Variants in GRIN3A observed in about 807,000 individuals in gnomAD.
GRIN3A encodes glutamate receptor ionotropic, NMDA 3A.
In GRIN3A, 47 loss-of-function variants were observed where a neutral mutation model predicts 92.4. The observed-to-expected ratio is 0.51, with a 90% CI of 0.40 to 0.65. The LOEUF (loss-of-function observed/expected upper bound fraction) is 0.65, where lower values mean the gene tolerates loss of function less well. GRIN3A is among the 30% of genes least tolerant of loss of function. The pLI, the probability that GRIN3A is intolerant of heterozygous loss-of-function variation, is 0.00. For missense variants in GRIN3A, 1,324 were observed against 1,393.1 expected (o/e 0.95, Z 0.79); for synonymous variants, 527 against 540.6 (o/e 0.97, Z 0.35).
chr9:101,596,420 G>A (rs891513894), intron 6 of GRIN3A, among the ~76,000 whole-genome samples: 8 of 152,144 alleles, frequency 5.3e-5, no homozygotes, highest in African/African-American at 1.7e-4. Context: ...TTGCATATAA[G>A]CCTATTGAAT....
At chr9:101,668,504 G>A (rs1829271780) in intron 3 of GRIN3A, among the ~76,000 whole-genome samples, 2 of 152,000 alleles carry the variant, frequency 1.3e-5, no homozygotes, top group African/African-American at 2.4e-5. Context: ...GGACTCCTGG[G>A]GCAAAGAATA....
chr9:101,605,720 T>A (rs17189632), intron 6 of GRIN3A, among the ~76,000 whole-genome samples: 62,229 of 152,066 alleles, frequency 0.41, 13,047 homozygotes, highest in Non-Finnish European at 0.44. Flanking sequence ...CTTCCCCTGA[T>A]AATAAAATCA....
intron 3 of GRIN3A, among the ~76,000 whole-genome samples, chr9:101,664,355 C>A (rs1323414): frequency 2.0e-5 from 3 of 151,816 alleles, no homozygotes; most frequent in Admixed American, 1.3e-4. Flanking sequence ...ATATCACTCA[C>A]AAATTCCTGC....
At chr9:101,732,287 G>T (rs1390295693) in intron 1 of GRIN3A, among the ~76,000 whole-genome samples, 1 of 152,150 alleles carries the variant, frequency 6.6e-6, no homozygotes, top group African/African-American at 2.4e-5. Context: ...GTAGTTGGCG[G>T]AATAGGAGTG....
Position 101,579,266 on chromosome 9 carries a change from A to G in GRIN3A, c.2861T>C (p.Ile954Thr). Residue 954 changes from isoleucine to threonine, a missense_variant, in exon 7 of 9, where the codon ATA becomes ACA. Transcript: ENST00000361820. Reference sequence around the variant, plus strand: ...TCGTGGTAGCAGCAGCCTGTATACTATGTGCTCACCAATGGTGGTCAAAAT... The same window carrying G: ...TCGTGGTAGCAGCAGCCTGTATACTGTGTGCTCACCAATGGTGGTCAAAAT... The part of the protein sequence containing the change: ...LSILTTIGEH[I>T]VYRLLLPRIK... The G allele has an allele frequency of 6.2e-7, 1 of 1,614,012 alleles. No individual in the cohort carries two copies. The highest frequency in any genetic ancestry group is 1.3e-5 in the African/African-American group (1 of 75,042).
At chr9:101,720,281 A>C (rs1829996313) in intron 1 of GRIN3A, among the ~76,000 whole-genome samples, 1 of 152,222 alleles carries the variant, frequency 6.6e-6, no homozygotes, top group Non-Finnish European at 1.5e-5. Flanking sequence ...TTAAAATTTG[A>C]ATTTATAAAG....
At position 101,686,633 on chromosome 9, in the gene GRIN3A, C is replaced by T. The variant is rs919461898; in HGVS notation, c.1267G>A (p.Glu423Lys). 1.2e-6 allele frequency: 2 copies of T among 1,614,024 alleles called. No individual in the cohort carries two copies. The highest frequency in any genetic ancestry group is 2.7e-5 in the African/African-American group (2 of 74,908). Residue 423 changes from glutamate (E) to lysine (K), a missense_variant, in exon 2 of 9, where the codon GAA becomes AAA. By Grantham distance (56) the Glu-to-Lys change is moderately conservative. Coordinates refer to ENST00000361820, the MANE Select transcript of GRIN3A (RefSeq NM_133445.3). ...TGTCCTGAAGTGAGATTTGTAGTTTCCACCTCCATGCAGTTCATCGTGCTG... is the reference window on the plus strand; with the variant it reads ...TGTCCTGAAGTGAGATTTGTAGTTTTCACCTCCATGCAGTTCATCGTGCTG... ...IPSTMNCMEV[E>K]TTNLTSGQYL... is the part of the protein sequence containing the mutation.
chr9:101,659,925 A>G (rs1036737262), intron 3 of GRIN3A, among the ~76,000 whole-genome samples: 1 of 151,926 alleles, frequency 6.6e-6, no homozygotes, highest in Admixed American at 6.6e-5. Flanking sequence ...AGTTACATGT[A>G]TATTTGTTCA....
chr9:101,585,835 C>G (rs1302035067), intron 6 of GRIN3A, among the ~76,000 whole-genome samples: 1 of 152,194 alleles, frequency 6.6e-6, no homozygotes, highest in Non-Finnish European at 1.5e-5. Flanking sequence ...CACTCCTGTG[C>G]TCAATGCCTG....
At chr9:101,573,624 G>A in intron 8 of GRIN3A, 111 bp from the exon 9 acceptor site, 1 of 860,214 alleles carries the variant, frequency 1.2e-6, no homozygotes, top group Non-Finnish European at 1.9e-6. Flanking sequence ...TGTGCATTTA[G>A]AGATGAAGTA....
chr9:101,619,029 A>T (rs1828511341), intron 5 of GRIN3A, among the ~76,000 whole-genome samples: 1 of 152,206 alleles, frequency 6.6e-6, no homozygotes, highest in African/African-American at 2.4e-5. Flanking sequence ...CAGTTTTCAG[A>T]ATAGAATCCT....
chr9:101,728,670 C>T (rs976164428), intron 1 of GRIN3A, among the ~76,000 whole-genome samples: 5 of 152,154 alleles, frequency 3.3e-5, no homozygotes, highest in African/African-American at 1.2e-4. Context: ...TCCACTGTTA[C>T]TAAAATTTCA....
chr9:101,583,877 GA>G (rs1243624740), intron 6 of GRIN3A, among the ~76,000 whole-genome samples: 2 of 152,116 alleles, frequency 1.3e-5, no homozygotes, highest in Non-Finnish European at 2.9e-5. Flanking sequence ...GATTTTTTGA[GA>G]CAGAGTCTCA....
chr9:101,576,420 G>T (rs558316634), intron 8 of GRIN3A, among the ~76,000 whole-genome samples: 2 of 152,296 alleles, frequency 1.3e-5, no homozygotes, highest in South Asian at 4.1e-4. Flanking sequence ...AAAATAAGGG[G>T]TTCAGGAAGG....
intron 8 of GRIN3A, among the ~76,000 whole-genome samples, chr9:101,577,374 A>G (rs1827838923): frequency 6.6e-6 from 1 of 152,200 alleles, no homozygotes; most frequent in Non-Finnish European, 1.5e-5. Flanking sequence ...ATTTCCTTTC[A>G]TTCAGAGATG....
intron 1 of GRIN3A, among the ~76,000 whole-genome samples, chr9:101,736,546 C>T (rs1378269293): frequency 1.3e-5 from 2 of 151,754 alleles, no homozygotes; most frequent in African/African-American, 2.4e-5. Flanking sequence ...CTGAACACAG[C>T]AACTGAATAC....
intron 3 of GRIN3A, among the ~76,000 whole-genome samples, chr9:101,648,904 T>G (rs1472225112): frequency 6.6e-6 from 1 of 151,954 alleles, no homozygotes; most frequent in South Asian, 2.1e-4. Flanking sequence ...ACTGGACTGT[T>G]TTTTTTTCCC....
At chr9:101,707,459 C>T (rs575747659) in intron 1 of GRIN3A, among the ~76,000 whole-genome samples, 1 of 152,272 alleles carries the variant, frequency 6.6e-6, no homozygotes, top group African/African-American at 2.4e-5. Context: ...AGAAAAACCT[C>T]CCTTTTGGTT....
rs373389716 is a variant in GRIN3A at position 101,648,450 on chromosome 9, T to G, written c.2353-20049A>C. 1.1e-3 allele frequency among the ~76,000 whole-genome samples: 160 copies of G among 152,208 alleles called. 1 individual carries two copies. The highest frequency in any genetic ancestry group is 3.7e-3 in the African/African-American group (155 of 41,546). ...TGTATTCTTCAGCTGCTGGATGGAA[T>G]GTTCTGTAAATATTTATCAGGTTCA... On this transcript the variant is annotated intron_variant, in intron 3 of 8. Transcript: ENST00000361820.
Sources: allele counts gnomAD v4.1 joint callset (sites outside exome capture counted in the v4.1 genomes callset), GRCh38; gene constraint gnomAD v4.1.1; transcripts MANE v1.5; gene names NCBI Gene and HGNC (gene_info 2026-07-23, HGNC 2026-07-21).